The following ZNF678 variants were observed in gnomAD, a reference collection of about 807,000 sequenced individuals.
ZNF678 encodes hypothetical protein MGC42493.
A neutral mutation model predicts 3.0 loss-of-function variants in ZNF678; 5 were observed. The ratio of observed to expected loss-of-function variants is 1.69; its 90% CI spans 0.88 to 3.56. The LOEUF (loss-of-function observed/expected upper bound fraction) is 3.56. Among genes scored for constraint, ZNF678 ranks in the 30% most tolerant of loss-of-function variants. The pLI is 0.00. For synonymous variants in ZNF678, 218 were observed against 199.6 expected, an observed-to-expected ratio of 1.09 and a Z score of -0.78; for missense variants, 593 against 605.0, an observed-to-expected ratio of 0.98 and a Z score of 0.21.
intron 2 of ZNF678, among the ~76,000 whole-genome samples, chr1:227,648,495 T>G (rs1659011865): frequency 6.6e-6 from 1 of 152,208 alleles, no homozygotes; most frequent in South Asian, 2.1e-4. Context: ...CAAGACATTA[T>G]TATTAACTGT....
At chr1:227,644,203 A>G (rs1658899300) in intron 1 of ZNF678, among the ~76,000 whole-genome samples, 2 of 152,142 alleles carry the variant, frequency 1.3e-5, no homozygotes, top group Admixed American at 6.6e-5. Flanking sequence ...AGAGAAATGG[A>G]AAAAGAAATA....
chr1:227,640,300 A>T (rs756590549), intron 1 of ZNF678, among the ~76,000 whole-genome samples: 4 of 152,034 alleles, frequency 2.6e-5, no homozygotes, highest in Non-Finnish European at 5.9e-5. Flanking sequence ...GTTGACTGGG[A>T]AGATGGCAGC....
chr1:227,637,813 C>T (rs898713877), intron 1 of ZNF678, among the ~76,000 whole-genome samples: 2 of 152,070 alleles, frequency 1.3e-5, no homozygotes, highest in Non-Finnish European at 2.9e-5. Context: ...GCTTGGTTTG[C>T]GGAGGCAGGA....
intron 1 of ZNF678, among the ~76,000 whole-genome samples, chr1:227,640,697 A>G (rs929548228): frequency 6.6e-6 from 1 of 152,198 alleles, no homozygotes; most frequent in African/African-American, 2.4e-5. Flanking sequence ...TGTATCGCAA[A>G]AAAAGACAAG....
chr1:227,644,567 T>C (rs1277413465), intron 1 of ZNF678, among the ~76,000 whole-genome samples: 1 of 152,206 alleles, frequency 6.6e-6, no homozygotes, highest in Non-Finnish European at 1.5e-5. Context: ...TGTTTTTTTC[T>C]AGCTAAGTGC....
At chr1:227,678,172 T>C (rs1290606368), downstream of ZNF678, among the ~76,000 whole-genome samples, 3 of 151,984 alleles carry the variant, frequency 2.0e-5, no homozygotes, top group Non-Finnish European at 2.9e-5. Context: ...TGAGACAGGG[T>C]ATGGGGATAT....
At position 227,626,579 on chromosome 1, in the gene ZNF678, G is replaced by T. The variant is rs557687925; in HGVS notation, c.-163-19965G>T. 2.0e-5 allele frequency among the ~76,000 whole-genome samples: 3 copies of T among 152,262 alleles called. No homozygotes were observed. In the East Asian group the frequency reaches 5.8e-4, roughly 29 times the overall value. On this transcript the variant is annotated intron_variant, in intron 1 of 3. Coordinates refer to ENST00000343776, the MANE Select transcript of ZNF678 (RefSeq NM_001367909.1). ...TGGCCATCTCTAGGTCAAGCACAAGGTCATTGGTTAGGAAGGGCCGTCCAT... is the reference window on the plus strand; with the variant it reads ...TGGCCATCTCTAGGTCAAGCACAAGTTCATTGGTTAGGAAGGGCCGTCCAT...
intron 1 of ZNF678, among the ~76,000 whole-genome samples, chr1:227,628,595 C>T (rs1658474441): frequency 1.3e-5 from 2 of 152,200 alleles, no homozygotes; most frequent in African/African-American, 4.8e-5. Context: ...CACTGAGGGC[C>T]CTGGTGCCTT....
chr1:227,573,046 A>G (rs1223865744), intron 1 of ZNF678, among the ~76,000 whole-genome samples: 1 of 152,218 alleles, frequency 6.6e-6, no homozygotes, highest in East Asian at 1.9e-4. Context: ...TGAGGTGGGA[A>G]CAGTGTGCAT....
intron 1 of ZNF678, among the ~76,000 whole-genome samples, chr1:227,640,915 C>T (rs1450123252): frequency 7.2e-5 from 11 of 152,196 alleles, no homozygotes; most frequent in Admixed American, 4.6e-4. Context: ...CCTCCCCAAA[C>T]GGAATCAAAT....
At chr1:227,612,823 C>T (rs1427226623) in intron 1 of ZNF678, among the ~76,000 whole-genome samples, 1 of 152,196 alleles carries the variant, frequency 6.6e-6, no homozygotes, top group Non-Finnish European at 1.5e-5. Context: ...GCACGCCTCA[C>T]CAAATATGCC....
At chr1:227,602,911 G>A (rs1186257756) in intron 1 of ZNF678, among the ~76,000 whole-genome samples, 1 of 152,216 alleles carries the variant, frequency 6.6e-6, no homozygotes, top group Non-Finnish European at 1.5e-5. Flanking sequence ...TATGAGAATT[G>A]CTTGAGCTCA....
chr1:227,605,139 G>C (rs1472755577), intron 1 of ZNF678, among the ~76,000 whole-genome samples: 1 of 152,224 alleles, frequency 6.6e-6, no homozygotes, highest in Non-Finnish European at 1.5e-5. Flanking sequence ...ACAGGCGTGA[G>C]CCACTGCGCC....
chr1:227,641,688 C>T (rs947079576), intron 1 of ZNF678, among the ~76,000 whole-genome samples: 1 of 150,932 alleles, frequency 6.6e-6, no homozygotes, highest in Non-Finnish European at 1.5e-5. Flanking sequence ...AAATATTGCA[C>T]AATTTTTAGA....
rs1659076381 is a variant in ZNF678, at chr1:227,651,006, A to G, written c.15A>G (p.Ser5=). 6.2e-7 allele frequency: 1 copy of G among 1,613,134 alleles called. No individual in the cohort carries two copies. Among genetic ancestry groups the G allele is most frequent in the Non-Finnish European group, 8.5e-7 (1 of 1,179,748 alleles). The change falls in exon 3 of 4, where the codon TCA becomes TCG. Residue 5 remains serine, a synonymous_variant. Transcript: ENST00000343776. The stretch of plus-strand genomic sequence containing the variant: ...AAGCATTGATAATGGGCACAATATC[A>G]CTTTGCATTGGTGTCTGTGCATTTG... MGTI[S]LCIGVCAFEG...
chr1:227,627,572 C>G (rs1658448588), intron 1 of ZNF678, among the ~76,000 whole-genome samples: 2 of 152,126 alleles, frequency 1.3e-5, no homozygotes, highest in African/African-American at 4.8e-5. Flanking sequence ...TAATGGCTTC[C>G]TGATGTTTGA....
chr1:227,624,803 C>T (rs541518367), intron 1 of ZNF678, among the ~76,000 whole-genome samples: 1 of 152,326 alleles, frequency 6.6e-6, no homozygotes, highest in Non-Finnish European at 1.5e-5. Context: ...CAGTGGGCAC[C>T]TCGCTGGATC....
At chr1:227,620,114 A>G (rs74723973) in intron 1 of ZNF678, among the ~76,000 whole-genome samples, 2,100 of 152,282 alleles carry the variant, frequency 0.014, 55 homozygotes, top group African/African-American at 0.047. Context: ...TCCCAGAATT[A>G]AATTCCTGAG....
At chr1:227,636,041 G>A (rs948132077) in intron 1 of ZNF678, among the ~76,000 whole-genome samples, 9 of 152,168 alleles carry the variant, frequency 5.9e-5, no homozygotes, top group East Asian at 3.9e-4. Flanking sequence ...CCATCGTGTC[G>A]TTGTAGCAGG....
Sources: allele counts gnomAD v4.1 joint callset (sites outside exome capture counted in the v4.1 genomes callset), GRCh38; gene constraint gnomAD v4.1.1; transcripts MANE v1.5; gene names NCBI Gene and HGNC (gene_info 2026-07-23, HGNC 2026-07-21).